Variants in PCDHGA12 observed in about 807,000 individuals in gnomAD.
The protein encoded by PCDHGA12 is protocadherin gamma-A12.
Under a neutral mutation model 61.1 loss-of-function variants are expected in PCDHGA12, and 43 were observed. The observed-to-expected ratio is 0.70, with a 90% CI of 0.55 to 0.91. PCDHGA12 has a LOEUF of 0.91. Ranked by LOEUF, PCDHGA12 falls within the 40% of genes least tolerant of loss-of-function variation. The probability of loss-of-function intolerance (pLI) is 0.00; values close to 1 mark genes in which losing one functional copy is unlikely to be tolerated. For synonymous variants in PCDHGA12, 520 were observed against 542.9 expected, an observed-to-expected ratio of 0.96 and a Z score of 0.59; for missense variants, 1,236 against 1,227.7, an observed-to-expected ratio of 1.01 and a Z score of -0.10.
At chr5:141,462,474 C>T (rs2099040477) in intron 1 of PCDHGA12, among the ~76,000 whole-genome samples, 1 of 151,994 alleles carries the variant, frequency 6.6e-6, no homozygotes, top group South Asian at 2.1e-4. Flanking sequence ...TATTCTGCTT[C>T]TCGTGGTTGT....
chr5:141,485,116 G>T lies in PCDHGA12; in HGVS notation c.2425-9691G>T, dbSNP rs904145668. ...TGTCTCCAGCTGCTGTGGCTGTTTGGGGCGGGTCGGCTTCATCCGCGTCTC... is the reference window on the plus strand; with the variant it reads ...TGTCTCCAGCTGCTGTGGCTGTTTGTGGCGGGTCGGCTTCATCCGCGTCTC... On this transcript the variant is annotated intron_variant, in intron 1 of 3. Coordinates refer to ENST00000252085, the MANE Select transcript of PCDHGA12 (RefSeq NM_003735.3). This position sits in a 1 kb window ranked among gnomAD's most constrained non-coding sequence, Gnocchi z 5.7. 3.0e-6 allele frequency: 4 copies of T among 1,312,058 alleles called. No homozygotes were observed. The African/African-American group carries it at 5.8e-5, about 19-fold the overall frequency. 81.3% of individuals were successfully genotyped at this position (1,312,058 alleles called of 1,614,324 possible).
chr5:141,497,614 A>G (rs1377740795), intron 2 of PCDHGA12, among the ~76,000 whole-genome samples: 1 of 146,530 alleles, frequency 6.8e-6, no homozygotes, highest in Admixed American at 7.0e-5. Context: ...ATCTTGGCTC[A>G]CTGCAACCTC....
intron 1 of PCDHGA12, among the ~76,000 whole-genome samples, chr5:141,492,927 G>A (rs925569925): frequency 2.0e-5 from 3 of 152,180 alleles, no homozygotes; most frequent in Admixed American, 6.5e-5. Context: ...AGCGATCTAG[G>A]GTCAGAGATT....
rs2099623857 is a variant in PCDHGA12, at chr5:141,486,060, A to ACC, written c.2425-8744_2425-8743dup. On this transcript the variant is annotated intron_variant, in intron 1 of 3. Transcript: ENST00000252085. This position sits in a 1 kb window ranked among gnomAD's most constrained non-coding sequence, Gnocchi z 5.0. Reference sequence around the variant, plus strand: ...CGTGTAAGAAACCTCTTTAGCCTGCACCCCACTACTGGAAAGCTTACTCTT... The same window carrying ACC: ...CGTGTAAGAAACCTCTTTAGCCTGCACCCCCCACTACTGGAAAGCTTACTCTT... The ACC allele has an allele frequency of 1.2e-6, 2 of 1,613,980 alleles. No homozygotes were observed. The highest frequency in any genetic ancestry group is 1.7e-6 in the Non-Finnish European group (2 of 1,179,980).
At chr5:141,480,021 C>T (rs1415230863) in intron 1 of PCDHGA12, among the ~76,000 whole-genome samples, 2 of 152,208 alleles carry the variant, frequency 1.3e-5, no homozygotes, top group East Asian at 3.8e-4. Flanking sequence ...AATCTCCTTT[C>T]TAAGCCTCTT....
At chr5:141,508,295 G>C (rs989632251) in intron 3 of PCDHGA12, 5 of 152,202 alleles carry the variant, frequency 3.3e-5, no homozygotes, top group Non-Finnish European at 7.3e-5. Context: ...TGGGCCTTGG[G>C]GGGAGTGGGG....
chr5:141,469,370 A>T (rs1453825795), intron 1 of PCDHGA12, among the ~76,000 whole-genome samples: 1 of 152,106 alleles, frequency 6.6e-6, no homozygotes, highest in Non-Finnish European at 1.5e-5. Flanking sequence ...AGGTAAAGAG[A>T]TCGAGACCAT....
intron 3 of PCDHGA12, among the ~76,000 whole-genome samples, chr5:141,509,620 C>G (rs1321910971): frequency 6.6e-6 from 1 of 152,188 alleles, no homozygotes; most frequent in African/African-American, 2.4e-5. Context: ...TAAACAAGTT[C>G]CTGGGTGATG....
chr5:141,449,484 A>G (rs1003440539), intron 1 of PCDHGA12, among the ~76,000 whole-genome samples: 2 of 150,848 alleles, frequency 1.3e-5, no homozygotes, highest in Non-Finnish European at 3.0e-5. Context: ...CCCCATGCCT[A>G]AGGGTGAGGC....
chr5:141,461,213 T>C (rs1457474925), intron 1 of PCDHGA12, among the ~76,000 whole-genome samples: 1 of 152,168 alleles, frequency 6.6e-6, no homozygotes, highest in African/African-American at 2.4e-5. Flanking sequence ...AGAATCTCCA[T>C]ACTGTTTTCC....
intron 1 of PCDHGA12, among the ~76,000 whole-genome samples, chr5:141,456,584 A>G (rs990911693): frequency 6.6e-6 from 1 of 152,212 alleles, no homozygotes; most frequent in Non-Finnish European, 1.5e-5. Flanking sequence ...TGAGCCTGTC[A>G]ATAATTTTGA....
In PCDHGA12 at chr5:141,491,257, G is replaced by A. The variant is rs754721047; in HGVS notation, c.2425-3550G>A. 2 of 1,614,170 alleles carry A rather than the reference G, an allele frequency of 1.2e-6. No individual in the cohort carries two copies. The highest frequency in any genetic ancestry group is 3.3e-5 in the Admixed American group (2 of 60,020). On this transcript the variant is annotated intron_variant, in intron 1 of 3. Coordinates refer to ENST00000252085, the MANE Select transcript of PCDHGA12 (RefSeq NM_003735.3). This position sits in a 1 kb window ranked among gnomAD's most constrained non-coding sequence, Gnocchi z 6.9. ...GGTTCTGGAGGATGAGGACCCTGAG[G>A]AAATGCCCAAATCCAGTGACTTCCT... is the stretch of plus-strand genomic sequence containing the variant.
At position 141,485,379 on chromosome 5, in the gene PCDHGA12, A is replaced by G. The variant is rs749607481; in HGVS notation, c.2425-9428A>G. 12 of 1,613,934 alleles carry G rather than the reference A, an allele frequency of 7.4e-6. No homozygotes were observed. In the Admixed American group the frequency reaches 1.8e-4, roughly 25 times the overall value. The stretch of plus-strand genomic sequence containing the variant: ...GCTCGCAGGCTGCAGGTCGCTGGAG[A>G]GGTGAACCAAAGACACTTCCGTGTG... On this transcript the variant is annotated intron_variant, in intron 1 of 3. Coordinates refer to ENST00000252085, the MANE Select transcript of PCDHGA12 (RefSeq NM_003735.3). This position sits in a 1 kb window ranked among gnomAD's most constrained non-coding sequence, Gnocchi z 5.7.
In PCDHGA12 at chr5:141,487,883, G is replaced by A; in HGVS notation, c.2425-6924G>A. ...GGTGATCAAGAGCCAGGCTGTTGTG[G>A]AAGCATGATGATGGAATGTGGGAGC... is the stretch of plus-strand genomic sequence containing the variant. On this transcript the variant is annotated intron_variant, in intron 1 of 3. Transcript: ENST00000252085. This position sits in a 1 kb window ranked among gnomAD's most constrained non-coding sequence, Gnocchi z 5.0. The A allele has an allele frequency of 1.3e-6, 1 of 766,586 alleles. No homozygotes were observed. The highest frequency in any genetic ancestry group is 1.8e-5 in the South Asian group (1 of 55,094). 47.5% of individuals were successfully genotyped at this position (766,586 alleles called of 1,614,324 possible).
chr5:141,472,557 A>G (rs2099288029), intron 1 of PCDHGA12, among the ~76,000 whole-genome samples: 3 of 152,044 alleles, frequency 2.0e-5, no homozygotes, highest in Admixed American at 1.3e-4. Flanking sequence ...AAAAAATTAT[A>G]TTATAAATGC....
chr5:141,431,216 C>A lies in PCDHGA12; in HGVS notation c.457C>A (p.Pro153Thr). The change falls in exon 1 of 4, where the codon CCT (proline) becomes ACT (threonine). Residue 153 changes from proline (P) to threonine (T), a missense_variant. Coordinates refer to ENST00000252085, the MANE Select transcript of PCDHGA12 (RefSeq NM_003735.3). The surrounding 1 kb of genome is among the most constrained non-coding windows in gnomAD (Gnocchi z 4.8). The part of the protein sequence containing the change: ...SENAATEMRF[P>T]LPHAWDPDIG... ...AAATGCAGCCACTGAGATGCGGTTC[C>A]CTCTACCCCACGCCTGGGATCCGGA... The A allele has an allele frequency of 6.2e-7, 1 of 1,614,162 alleles. No homozygotes were observed. The highest frequency in any genetic ancestry group is 8.5e-7 in the Non-Finnish European group (1 of 1,180,048).
In PCDHGA12 at chr5:141,478,818, C is replaced by T. The variant is rs980032138; in HGVS notation, c.2425-15989C>T. ...AGCACTCTTTTGCTATCACAACTAA[C>T]CAATCTTGCTAAGGGATGGTTAAGC... On this transcript the variant is annotated intron_variant, in intron 1 of 3. Transcript: ENST00000252085. The T allele has an allele frequency of 2.1e-5, 30 of 1,449,330 alleles. No individual in the cohort carries two copies. The African/African-American group carries it at 3.3e-4, about 16-fold the overall frequency. 89.8% of individuals were successfully genotyped at this position (1,449,330 alleles called of 1,614,324 possible). A position where few individuals can be genotyped will look rare whatever the true frequency, so the allele number is the denominator to read the frequency against.
chr5:141,466,468 T>C (rs1266315455), intron 1 of PCDHGA12, among the ~76,000 whole-genome samples: 1 of 152,368 alleles, frequency 6.6e-6, no homozygotes, highest in East Asian at 1.9e-4. Flanking sequence ...TTGTTTCTGC[T>C]GTTAATTGTA....
At chr5:141,462,271 G>C (rs2099036316) in intron 1 of PCDHGA12, among the ~76,000 whole-genome samples, 1 of 152,174 alleles carries the variant, frequency 6.6e-6, no homozygotes, top group African/African-American at 2.4e-5. Context: ...AAAGTGTATT[G>C]TTTAGTCACC....
Sources: allele counts gnomAD v4.1 joint callset (sites outside exome capture counted in the v4.1 genomes callset), GRCh38; gene constraint gnomAD v4.1.1; non-coding constraint Gnocchi (gnomAD v3.1); transcripts MANE v1.5; gene names NCBI Gene and HGNC (gene_info 2026-07-23, HGNC 2026-07-21).